Variants in CDH13 observed in about 807,000 individuals in gnomAD.
CDH13 encodes the protein cadherin-13.
Under a neutral mutation model 63.8 loss-of-function variants are expected in CDH13, and 24 were observed. The ratio of observed to expected loss-of-function variants is 0.38; its 90% confidence interval spans 0.27 to 0.53. The LOEUF is 0.53. CDH13 is among the 20% of genes least tolerant of loss of function. The pLI, the probability that CDH13 is intolerant of heterozygous loss-of-function variation, is 0.85. For synonymous variants in CDH13, 503 were observed against 355.3 expected, an observed-to-expected ratio of 1.42 and a Z score of -4.67; for missense variants, 1,049 against 903.1, an observed-to-expected ratio of 1.16 and a Z score of -2.07.
chr16:83,569,715 G>A (rs1008909130), intron 7 of CDH13, among the ~76,000 whole-genome samples: 1 of 151,942 alleles, frequency 6.6e-6, no homozygotes, highest in Admixed American at 6.6e-5. Context: ...TGTCTCTCTG[G>A]GGAAGCCAAT....
chr16:83,727,238 C>G (rs1466910102), intron 10 of CDH13, among the ~76,000 whole-genome samples: 2 of 151,894 alleles, frequency 1.3e-5, no homozygotes, highest in East Asian at 3.9e-4. Context: ...GTGGGTTTGC[C>G]TAGTACGGAC....
At chr16:83,498,655 C>G (rs2074203054) in intron 7 of CDH13, among the ~76,000 whole-genome samples, 1 of 152,184 alleles carries the variant, frequency 6.6e-6, no homozygotes. Flanking sequence ...ATTTAAACCC[C>G]TATCAGCCCA....
intron 4 of CDH13, among the ~76,000 whole-genome samples, chr16:83,213,545 G>C (rs1248259710): frequency 6.6e-6 from 1 of 152,100 alleles, no homozygotes; most frequent in Non-Finnish European, 1.5e-5. Flanking sequence ...CGGGGCCTGT[G>C]TCTGGCAGAT....
chr16:82,721,591 C>T (rs1265934486), intron 1 of CDH13, among the ~76,000 whole-genome samples: 1 of 151,944 alleles, frequency 6.6e-6, no homozygotes, highest in African/African-American at 2.4e-5. Flanking sequence ...AAGCAGTCGG[C>T]AAAGAGATTT....
At chr16:83,015,715 A>ATATATATG (rs1914720841) in intron 2 of CDH13, among the ~76,000 whole-genome samples, 1 of 126,976 alleles carries the variant, frequency 7.9e-6, no homozygotes, top group African/African-American at 2.8e-5. Context: ...ATATATATAT[A>ATATATATG]TATATATAAA....
chr16:83,247,025 A>T (rs1905058493), intron 5 of CDH13, among the ~76,000 whole-genome samples: 1 of 152,188 alleles, frequency 6.6e-6, no homozygotes, highest in Non-Finnish European at 1.5e-5. Flanking sequence ...AGGATATCAG[A>T]TTAGATCTGT....
At chr16:83,417,654 T>A (rs1005057258) in intron 6 of CDH13, among the ~76,000 whole-genome samples, 1 of 152,192 alleles carries the variant, frequency 6.6e-6, no homozygotes, top group Non-Finnish European at 1.5e-5. Flanking sequence ...TTTTAGCAGC[T>A]AGAGAAACTC....
rs1207085533 is a variant in CDH13, at chr16:83,045,929, T to A, written c.366+13711T>A. On this transcript the variant is annotated intron_variant, in intron 3 of 13. Coordinates refer to ENST00000567109, the MANE Select transcript of CDH13 (RefSeq NM_001257.5). ...GCCTATTTGGCCCTAGCCAAATACA[T>A]CCTCCAGTCTACCCATGTTGGGCAG... 2.6e-5 allele frequency among the ~76,000 whole-genome samples: 4 copies of A among 152,236 alleles called. 1 individual carries two copies. The South Asian group carries it at 8.3e-4, about 31-fold the overall frequency.
chr16:82,752,733 G>C (rs1031524188), intron 1 of CDH13, among the ~76,000 whole-genome samples: 1 of 152,072 alleles, frequency 6.6e-6, no homozygotes, highest in Non-Finnish European at 1.5e-5. Flanking sequence ...CAGACAGATG[G>C]GTCATCTCTT....
At chr16:82,835,366 C>G (rs757628855) in intron 1 of CDH13, among the ~76,000 whole-genome samples, 53 of 152,142 alleles carry the variant, frequency 3.5e-4, no homozygotes, top group Admixed American at 1.4e-3. Flanking sequence ...GTCTCTTCTT[C>G]CTTTTTAAGG....
At chr16:82,758,199 C>G (rs1421346758) in intron 1 of CDH13, among the ~76,000 whole-genome samples, 1 of 151,868 alleles carries the variant, frequency 6.6e-6, no homozygotes, top group Non-Finnish European at 1.5e-5. Context: ...GTATTTTGAG[C>G]TATAATTTGG....
At chr16:82,849,475 C>G (rs1223863848) in intron 1 of CDH13, among the ~76,000 whole-genome samples, 1 of 152,114 alleles carries the variant, frequency 6.6e-6, no homozygotes, top group Non-Finnish European at 1.5e-5. Context: ...GCACTCCAGC[C>G]TGGTGACAGA....
chr16:82,902,689 A>G (rs2041509975), intron 2 of CDH13, among the ~76,000 whole-genome samples: 1 of 152,094 alleles, frequency 6.6e-6, no homozygotes, highest in South Asian at 2.1e-4. Flanking sequence ...ATGCCATACA[A>G]CATTGGCATT....
intron 2 of CDH13, among the ~76,000 whole-genome samples, chr16:82,921,440 C>G (rs1597216973): frequency 1.3e-5 from 2 of 152,304 alleles, no homozygotes; most frequent in Middle Eastern, 3.4e-3. Context: ...ATCTCCTTCT[C>G]AATTCCATTT....
intron 7 of CDH13, among the ~76,000 whole-genome samples, chr16:83,530,800 C>T (rs1432129589): frequency 2.0e-5 from 3 of 152,178 alleles, no homozygotes; most frequent in African/African-American, 7.2e-5. Context: ...AGATTGCCAC[C>T]TCTATGTTGA....
At chr16:83,020,318 C>T (rs532710893) in intron 2 of CDH13, among the ~76,000 whole-genome samples, 1 of 152,182 alleles carries the variant, frequency 6.6e-6, no homozygotes, top group African/African-American at 2.4e-5. Flanking sequence ...ACAAATTCTT[C>T]TTCCATGTCC....
chr16:83,750,271 G>T (rs1912971307), intron 11 of CDH13, among the ~76,000 whole-genome samples: 4 of 152,114 alleles, frequency 2.6e-5, no homozygotes, highest in Admixed American at 2.6e-4. Flanking sequence ...ACTCCAGCCG[G>T]GGTGACAGAG....
intron 3 of CDH13, among the ~76,000 whole-genome samples, chr16:83,048,577 C>A (rs1413694078): frequency 6.6e-6 from 1 of 152,130 alleles, no homozygotes; most frequent in Non-Finnish European, 1.5e-5. Flanking sequence ...GCTGGCCTTG[C>A]GGGTTCCTCT....
intron 1 of CDH13, among the ~76,000 whole-genome samples, chr16:82,745,312 A>G (rs1406447794): frequency 6.6e-6 from 1 of 152,254 alleles, no homozygotes; most frequent in African/African-American, 2.4e-5. Flanking sequence ...TAAAGATACA[A>G]CGTGTAACTC....
Sources: gnomAD v4.1 joint callset for allele counts (sites outside exome capture counted in the v4.1 genomes callset) on GRCh38, gnomAD v4.1.1 for gene constraint, MANE v1.5 for transcripts, NCBI Gene and HGNC (gene_info 2026-07-23, HGNC 2026-07-21) for gene names.